The following PDE5A variants were observed in gnomAD, a reference collection of about 807,000 sequenced individuals.
The protein encoded by PDE5A is phosphodiesterase 5A, also known as cGMP-specific 3',5'-cyclic phosphodiesterase.
PDE5A carries 67 observed loss-of-function variants against 110.2 expected under a neutral mutation model. The observed-to-expected ratio is 0.61, with a 90% CI of 0.50 to 0.75. The LOEUF is 0.75. Ranked by LOEUF, PDE5A falls within the 30% of genes least tolerant of loss-of-function variation. The pLI is 0.00. For missense variants in PDE5A, 862 were observed against 1,045.1 expected (o/e 0.82, Z 2.42); for synonymous variants, 328 against 351.2 (o/e 0.93, Z 0.74).
At chr4:119,548,090 C>T (rs2110492070) in intron 9 of PDE5A, 1 of 131,212 alleles carries the variant, frequency 7.6e-6, no homozygotes. Flanking sequence ...GCTCTTTAGC[C>T]CAGGCCGGAT....
At chr4:119,553,391 C>T (rs201236087) in intron 8 of PDE5A, among the ~76,000 whole-genome samples, 40,977 of 151,676 alleles carry the variant, frequency 0.27, 5,536 homozygotes, top group East Asian at 0.38. Flanking sequence ...TAAATTACTT[C>T]AAAAATAGTA....
Position 119,496,217 on chromosome 4 carries a change from C to T in PDE5A, c.*2384G>A, listed in dbSNP as rs1392631342. The T allele has an allele frequency of 6.6e-6, 1 of 151,992 alleles. No homozygotes were observed. The highest frequency in any genetic ancestry group is 1.5e-5 in the Non-Finnish European group (1 of 67,972). The allele number at this position is 151,992 out of a possible 1,614,324, so 9.4% of individuals were successfully genotyped here. On this transcript the variant is annotated 3_prime_UTR_variant, in exon 21 of 21. Transcript: ENST00000354960. ...AACTAAACAAACAAAAAATCTAGAA[C>T]AAGAACTTCTTGCTAGTTATGGGTA...
At chr4:119,620,399 G>T (rs978737633) in intron 1 of PDE5A, among the ~76,000 whole-genome samples, 1 of 152,172 alleles carries the variant, frequency 6.6e-6, no homozygotes, top group Non-Finnish European at 1.5e-5. Context: ...ATTTGACTGA[G>T]AATTGGAAGG....
intron 3 of PDE5A, among the ~76,000 whole-genome samples, chr4:119,588,465 C>T (rs1168560531): frequency 6.6e-6 from 1 of 151,186 alleles, no homozygotes; most frequent in Non-Finnish European, 1.5e-5. Flanking sequence ...GCGTGAGCCA[C>T]CGCGCCTAGC....
At chr4:119,515,274 T>G (rs1182675205) in intron 14 of PDE5A, among the ~76,000 whole-genome samples, 1 of 152,148 alleles carries the variant, frequency 6.6e-6, no homozygotes, top group Admixed American at 6.5e-5. Context: ...GTGCTGTGTG[T>G]AGTGCCCTTT....
At chr4:119,561,816 C>A (rs573508822) in intron 6 of PDE5A, among the ~76,000 whole-genome samples, 1 of 152,262 alleles carries the variant, frequency 6.6e-6, no homozygotes, top group Admixed American at 6.5e-5. Flanking sequence ...ACAATGCATT[C>A]ATCTGACACA....
rs530925851 is a variant in PDE5A at position 119,508,828 on chromosome 4, G to GTAA, written c.2089-1127_2089-1125dup. 2.1e-3 allele frequency among the ~76,000 whole-genome samples: 317 copies of GTAA among 151,896 alleles called. 1 individual carries two copies. The highest frequency in any genetic ancestry group is 2.7e-3 in the Non-Finnish European group (183 of 67,906). ...AAAAGCTGAGGATATAATTTCTTGTGTAATTATGCTTACAAAGATAGAATA... is the reference window on the plus strand; with the variant it reads ...AAAAGCTGAGGATATAATTTCTTGTGTAATAATTATGCTTACAAAGATAGAATA... On this transcript the variant is annotated intron_variant, in intron 15 of 20. Transcript: ENST00000354960.
chr4:119,608,108 CAAAT>C (rs1729606180), intron 1 of PDE5A, among the ~76,000 whole-genome samples: 1 of 152,032 alleles, frequency 6.6e-6, no homozygotes, highest in Non-Finnish European at 1.5e-5. Flanking sequence ...ATGAAAGAAA[CAAAT>C]AATTTAATCT....
At chr4:119,602,700 A>G (rs572892714) in intron 2 of PDE5A, among the ~76,000 whole-genome samples, 1 of 152,356 alleles carries the variant, frequency 6.6e-6, no homozygotes, top group South Asian at 2.1e-4. Flanking sequence ...TTCTTTAGAA[A>G]AATATATTGA....
rs1726295278 is a variant in PDE5A at position 119,525,776 on chromosome 4, G to GAGAA, written c.1633-85_1633-82dup. The GAGAA allele has an allele frequency of 7.2e-7, 1 of 1,393,510 alleles. No individual in the cohort carries two copies. The highest frequency in any genetic ancestry group is 2.2e-5 in the Admixed American group (1 of 46,498). The allele number at this position is 1,393,510 out of a possible 1,614,324, so 86.3% of individuals were successfully genotyped here. On this transcript the variant is annotated intron_variant, in intron 11 of 20. Coordinates refer to ENST00000354960, the MANE Select transcript of PDE5A (RefSeq NM_001083.4). The surrounding 1 kb of genome is among the most constrained non-coding windows in gnomAD (Gnocchi z 4.3). ...TGCAAGGTTTTCTTGTTTTGCTGCAGAGAAATAGCATATTGTGGCTTTTTT... is the reference window on the plus strand; with the variant it reads ...TGCAAGGTTTTCTTGTTTTGCTGCAGAGAAAGAAATAGCATATTGTGGCTTTTTT...
intron 7 of PDE5A, among the ~76,000 whole-genome samples, chr4:119,554,693 C>T (rs944859534): frequency 6.6e-6 from 1 of 151,780 alleles, no homozygotes; most frequent in Non-Finnish European, 1.5e-5. Flanking sequence ...CACAAGTCCA[C>T]GTCTTTGGAT....
In PDE5A at chr4:119,510,990, A is replaced by C; in HGVS notation, c.2088+57T>G. ...GGAATAAATCCAAGAACTAAAAATA[A>C]AACTGAATTTATAAAGCTCTCTTTT... is the stretch of plus-strand genomic sequence containing the variant. On this transcript the variant is annotated intron_variant, in intron 15 of 20. Transcript: ENST00000354960. 4 of 1,048,274 alleles carry C rather than the reference A, an allele frequency of 3.8e-6. No individual in the cohort carries two copies. The South Asian group carries it at 4.3e-5, about 11-fold the overall frequency. 64.9% of individuals were successfully genotyped at this position (1,048,274 alleles called of 1,614,324 possible). A position where few individuals can be genotyped will look rare whatever the true frequency, so the allele number is the denominator to read the frequency against.
chr4:119,586,145 G>A (rs772106461), intron 3 of PDE5A, among the ~76,000 whole-genome samples: 5 of 152,142 alleles, frequency 3.3e-5, no homozygotes, highest in South Asian at 2.1e-4. Flanking sequence ...TAACCAATAC[G>A]GCATAGTACT....
In PDE5A at chr4:119,495,188, T is replaced by G. The variant is rs1208497898; in HGVS notation, c.*3413A>C. ...AAATGATGCAGTATACCCCATGTTC[T>G]CACATTAAATTGGCAGTATCAGAAG... On this transcript the variant is annotated 3_prime_UTR_variant, in exon 21 of 21. Coordinates refer to ENST00000354960, the MANE Select transcript of PDE5A (RefSeq NM_001083.4). The G allele has an allele frequency of 2.0e-5, 3 of 152,142 alleles. No individual in the cohort carries two copies. The highest frequency in any genetic ancestry group is 7.2e-5 in the African/African-American group (3 of 41,440). The allele number at this position is 152,142 out of a possible 1,614,324, so 9.4% of individuals were successfully genotyped here. A position where few individuals can be genotyped will look rare whatever the true frequency, so the allele number is the denominator to read the frequency against.
At chr4:119,503,897 A>G (rs910704019) in intron 18 of PDE5A, among the ~76,000 whole-genome samples, 1 of 152,178 alleles carries the variant, frequency 6.6e-6, no homozygotes. Flanking sequence ...TTCCAAAAAA[A>G]ATTCCATACT....
At chr4:119,601,007 G>T (rs1427177562) in intron 2 of PDE5A, among the ~76,000 whole-genome samples, 1 of 152,112 alleles carries the variant, frequency 6.6e-6, no homozygotes, top group African/African-American at 2.4e-5. Flanking sequence ...CACTACGAAG[G>T]TGTGTGGTAC....
intron 3 of PDE5A, among the ~76,000 whole-genome samples, chr4:119,570,721 C>T (rs1431332580): frequency 3.3e-5 from 5 of 152,072 alleles, no homozygotes; most frequent in African/African-American, 1.2e-4. Context: ...TCCCCATCCC[C>T]GGTTCAGGGG....
intron 9 of PDE5A, among the ~76,000 whole-genome samples, chr4:119,545,438 C>G (rs1312381280): frequency 6.6e-6 from 1 of 151,864 alleles, no homozygotes; most frequent in Non-Finnish European, 1.5e-5. Flanking sequence ...AATGCAAAAC[C>G]AAAAATAAAA....
At chr4:119,566,659 T>C (rs1727945742) in intron 4 of PDE5A, among the ~76,000 whole-genome samples, 1 of 152,146 alleles carries the variant, frequency 6.6e-6, no homozygotes. Context: ...CATTCAGAAA[T>C]TTGCTACGCC....
Sources: gnomAD v4.1 joint callset for allele counts (sites outside exome capture counted in the v4.1 genomes callset) on GRCh38, gnomAD v4.1.1 for gene constraint, Gnocchi (gnomAD v3.1) non-coding constraint, MANE v1.5 for transcripts, NCBI Gene and HGNC (gene_info 2026-07-23, HGNC 2026-07-21) for gene names.